Variants in EPX observed in about 807,000 individuals in gnomAD.
The protein encoded by EPX is eosinophil peroxidase.
Under a neutral mutation model 73.0 loss-of-function variants are expected in EPX, and 60 were observed. That is an observed-to-expected ratio of 0.82 (90% CI 0.67 to 1.02). The LOEUF is 1.02. EPX is among the 50% of genes least tolerant of loss of function. EPX has a pLI of 0.00. For synonymous variants in EPX, 347 were observed against 389.2 expected (o/e 0.89, Z 1.28); for missense variants, 950 against 973.9 (o/e 0.98, Z 0.33).
Position 58,203,321 on chromosome 17 carries a change from A to G in EPX, c.1946+3A>G. The stretch of plus-strand genomic sequence containing the variant: ...AGAAGAGCCCGAGACGGAGACAGGT[A>G]AGTGACCCTATCATAAAAGACATCA... On this transcript the variant is annotated splice_donor_region_variant and intron_variant, in intron 11 of 12. Coordinates refer to ENST00000225371, the MANE Select transcript of EPX (RefSeq NM_000502.6). The G allele has an allele frequency of 6.3e-7, 1 of 1,595,804 alleles. No homozygotes were observed. Among genetic ancestry groups the G allele is most frequent in the East Asian group, 2.2e-5 (1 of 44,792 alleles).
In EPX at chr17:58,199,470, C is replaced by T. The variant is rs35005272; in HGVS notation, c.1282-69C>T. 2,952 of 1,532,354 alleles carry T rather than the reference C, an allele frequency of 1.9e-3. 54 individuals carry two copies. In the African/African-American group the frequency reaches 0.035, roughly 18 times the overall value. The allele number at this position is 1,532,354 out of a possible 1,614,324, so 94.9% of individuals were successfully genotyped here. ...ATGACAATAAAGAATATGTCTGAGC[C>T]ACCCTTTGAAAAGGCAAGGGTATGG... On this transcript the variant is annotated intron_variant, in intron 8 of 12. Transcript: ENST00000225371.
intron 6 of EPX, among the ~76,000 whole-genome samples, chr17:58,196,041 C>T (rs1459510257): frequency 1.5e-5 from 1 of 64,942 alleles, no homozygotes; most frequent in Admixed American, 1.2e-4. Flanking sequence ...TTCTTTCTTT[C>T]TTTTTCTTTC....
At chr17:58,196,804 G>A (rs904194921) in intron 6 of EPX, 135 bp from the exon 7 acceptor site, 4 of 725,514 alleles carry the variant, frequency 5.5e-6, no homozygotes, top group Non-Finnish European at 9.9e-6. Context: ...TGAGCAGCAT[G>A]AGCCTGGGTG....
At chr17:58,199,425 ATGT>A in intron 8 of EPX, 111 bp from the exon 9 acceptor site, 2 of 1,288,150 alleles carry the variant, frequency 1.6e-6, no homozygotes, top group Non-Finnish European at 1.1e-6. Context: ...TAGTAAATTA[ATGT>A]TGTCACATTT....
chr17:58,199,516 G>A (rs774858906), intron 8 of EPX, 23 bp from the exon 9 acceptor site: 1 of 1,613,888 alleles, frequency 6.2e-7, no homozygotes, highest in East Asian at 2.2e-5. Context: ...TCTGGGGAAT[G>A]TTCCTCCTGT....
chr17:58,199,289 C>A, intron 8 of EPX, 89 bp downstream of exon 8: 1 of 1,431,758 alleles, frequency 7.0e-7, no homozygotes, highest in Non-Finnish European at 9.7e-7. Flanking sequence ...GTGCCTAAAA[C>A]CAGCTGGGTC....
chr17:58,194,211 G>T, intron 5 of EPX, 119 bp downstream of exon 5: 3 of 1,012,218 alleles, frequency 3.0e-6, no homozygotes, highest in Non-Finnish European at 4.5e-6. Context: ...CCAGTGCAGT[G>T]ACTTGAGGCA....
intron 10 of EPX, chr17:58,202,683 A>G (rs1043239360): frequency 3.6e-6 from 1 of 279,308 alleles, no homozygotes; most frequent in Non-Finnish European, 7.0e-6. Flanking sequence ...TTGCTTGTTC[A>G]TTCATTTATT....
intron 11 of EPX, among the ~76,000 whole-genome samples, chr17:58,203,630 A>G (rs949949143): frequency 1.3e-5 from 2 of 152,058 alleles, no homozygotes; most frequent in Non-Finnish European, 2.9e-5. Context: ...CCTCCAATAC[A>G]TTTGTGATTT....
Position 58,193,569 on chromosome 17 carries a change from C to T in EPX, c.346+23C>T, listed in dbSNP as rs371724146. On this transcript the variant is annotated intron_variant, in intron 3 of 12. Coordinates refer to ENST00000225371, the MANE Select transcript of EPX (RefSeq NM_000502.6). ...CTGGTACTCTGATCCCCACTGAGCC[C>T]GCTGGGCCTACCCTGGCCTGGAGTA... The T allele has an allele frequency of 6.3e-4, 1,010 of 1,612,424 alleles. 10 individuals carry two copies. The South Asian group carries it at 8.6e-3, about 14-fold the overall frequency.
At chr17:58,197,497 T>A (rs1968276692) in intron 7 of EPX, among the ~76,000 whole-genome samples, 1 of 152,208 alleles carries the variant, frequency 6.6e-6, no homozygotes, top group African/African-American at 2.4e-5. Context: ...TCTCACCGCC[T>A]CTATGGCACC....
chr17:58,193,414 C>T lies in EPX; in HGVS notation c.214C>T (p.Leu72Phe). The T allele has an allele frequency of 6.2e-7, 1 of 1,614,192 alleles. No homozygotes were observed. The highest frequency in any genetic ancestry group is 1.3e-5 in the African/African-American group (1 of 75,066). The change falls in exon 3 of 13, where the codon CTC (leucine) becomes TTC (phenylalanine). Residue 72 changes from leucine (L) to phenylalanine (F), a missense_variant. Physicochemically the swap from Leu to Phe is conservative, Grantham distance 22. Coordinates refer to ENST00000225371, the MANE Select transcript of EPX (RefSeq NM_000502.6). ...CAGCGGTTCAGCCAGCCCCATGGACCTCCTGTCCTACTTCAAACAACCGGT... is the reference window on the plus strand; with the variant it reads ...CAGCGGTTCAGCCAGCCCCATGGACTTCCTGTCCTACTTCAAACAACCGGT... ...LRSGSASPMDLLSYFKQPVAA... is the reference protein window; with the variant it reads ...LRSGSASPMDFLSYFKQPVAA...
intron 7 of EPX, 142 bp downstream of exon 7, chr17:58,197,399 G>A: frequency 1.0e-6 from 1 of 1,001,324 alleles, no homozygotes; most frequent in Non-Finnish European, 1.5e-6. Flanking sequence ...TCTGTGCACA[G>A]CCATCATAGA....
chr17:58,204,869 G>C lies in EPX; in HGVS notation c.*145G>C, dbSNP rs1432454553. ...AGCTCAGAGCTGGGTTCCCCAGCCAGGAGTGAAGGCTGGGGGCTCCTATCA... is the reference window on the plus strand; with the variant it reads ...AGCTCAGAGCTGGGTTCCCCAGCCACGAGTGAAGGCTGGGGGCTCCTATCA... On this transcript the variant is annotated 3_prime_UTR_variant, in exon 13 of 13. Coordinates refer to ENST00000225371, the MANE Select transcript of EPX (RefSeq NM_000502.6). 5.0e-6 allele frequency: 1 copy of C among 200,314 alleles called. No individual in the cohort carries two copies. The highest frequency in any genetic ancestry group is 1.0e-5 in the Non-Finnish European group (1 of 96,848). The allele number at this position is 200,314 out of a possible 1,614,324, so 12.4% of individuals were successfully genotyped here. A position where few individuals can be genotyped will look rare whatever the true frequency, so the allele number is the denominator to read the frequency against.
chr17:58,201,539 G>A (rs34225527), intron 10 of EPX, among the ~76,000 whole-genome samples: 2,151 of 152,288 alleles, frequency 0.014, 50 homozygotes, highest in African/African-American at 0.049. Context: ...GGGGTACTGG[G>A]TATGGGTATG....
At chr17:58,201,190 C>T (rs1271517910) in intron 10 of EPX, among the ~76,000 whole-genome samples, 2 of 152,230 alleles carry the variant, frequency 1.3e-5, no homozygotes, top group Non-Finnish European at 2.9e-5. Context: ...ACCTGAAGGC[C>T]CATCTGCCCA....
In EPX at chr17:58,192,922, G is replaced by A. The variant is rs140332327; in HGVS notation, c.76G>A (p.Ala26Thr). Residue 26 changes from alanine (A) to threonine (T), a missense_variant and splice_region_variant, in exon 1 of 13, where the codon GCC (alanine) becomes ACC (threonine). Coordinates refer to ENST00000225371, the MANE Select transcript of EPX (RefSeq NM_000502.6). The part of the protein sequence containing the change: ...LAQPCEGTDP[A>T]SPGAVETSVL... ...CCAGCCCTGTGAGGGCACTGACCCA[G>A]GTAATAGTCCCCTAGACAGGCAAGG... 6.2e-7 allele frequency: 1 copy of A among 1,613,860 alleles called. No homozygotes were observed. The highest frequency in any genetic ancestry group is 1.3e-5 in the African/African-American group (1 of 74,928).
chr17:58,194,630 G>A (rs993357455), intron 5 of EPX, among the ~76,000 whole-genome samples: 7 of 152,140 alleles, frequency 4.6e-5, no homozygotes, highest in South Asian at 2.1e-4. Context: ...CTGTGAATCC[G>A]TGCTATCATC....
chr17:58,199,747 T>G lies in EPX; in HGVS notation c.1490T>G (p.Val497Gly), dbSNP rs1381535153. The G allele has an allele frequency of 5.0e-6, 8 of 1,612,756 alleles. No individual in the cohort carries two copies. The highest frequency in any genetic ancestry group is 1.3e-5 in the African/African-American group (1 of 74,390). Residue 497 changes from valine (V) to glycine (G), a missense_variant, in exon 9 of 13, where the codon GTC becomes GGC. Coordinates refer to ENST00000225371, the MANE Select transcript of EPX (RefSeq NM_000502.6). The stretch of plus-strand genomic sequence containing the variant: ...CGGGCCTCCGCACCCAACTCGCATG[T>G]CCCACTTAGCTCTGCCTTCTTTGCC... ...QYRASAPNSH[V>G]PLSSAFFASW... is the part of the protein sequence containing the mutation.
Sources: gnomAD v4.1 joint callset for allele counts (sites outside exome capture counted in the v4.1 genomes callset) on GRCh38, gnomAD v4.1.1 for gene constraint, MANE v1.5 for transcripts, NCBI Gene and HGNC (gene_info 2026-07-23, HGNC 2026-07-21) for gene names.